POM121: variants seen among roughly 807,000 people sequenced by gnomAD.
POM121 encodes POM121 transmembrane nucleoporin, also known as nuclear envelope pore membrane protein POM 121.
POM121 carries 32 observed loss-of-function variants against 81.3 expected under a neutral mutation model. The ratio of observed to expected loss-of-function variants is 0.39; its 90% CI spans 0.30 to 0.53. The LOEUF (loss-of-function observed/expected upper bound fraction) is 0.53, where lower values mean the gene tolerates loss of function less well. Ranked by LOEUF, POM121 falls within the 20% of genes least tolerant of loss-of-function variation. POM121 has a pLI of 0.66. For missense variants in POM121, 1,138 were observed against 1,614.6 expected (o/e 0.70, Z 5.06); for synonymous variants, 514 against 694.2 (o/e 0.74, Z 4.08).
At position 72,925,458 on chromosome 7, in the gene POM121, T is replaced by G; in HGVS notation, c.337T>G (p.Ser113Ala). The G allele has an allele frequency of 6.5e-7, 1 of 1,533,642 alleles. No individual in the cohort carries two copies. The highest frequency in any genetic ancestry group is 8.7e-7 in the Non-Finnish European group (1 of 1,146,506). ...RTLFASPLAK[S>A]TANGNLLEPR... The stretch of plus-strand genomic sequence containing the variant: ...ACTGTTCGCTTCGCCTCTGGCCAAG[T>G]CGACAGCCAACGGAAACCTCCTAGA... The change falls in exon 1 of 13, where the codon TCG (serine) becomes GCG (alanine). Residue 113 changes from serine (S) to alanine (A), a missense_variant. Transcript: ENST00000434423.
chr7:72,939,789 C>T (rs1372474322), intron 7 of POM121, 58 bp from the exon 8 acceptor site: 2 of 1,610,670 alleles, frequency 1.2e-6, no homozygotes, highest in Admixed American at 1.7e-5. Flanking sequence ...TGGGTAGACA[C>T]AACCATCCAT....
Position 72,925,643 on chromosome 7 carries a change from C to T in POM121, c.522C>T (p.Ser174=), listed in dbSNP as rs1795342877. The T allele has an allele frequency of 9.8e-7, 1 of 1,022,900 alleles. No individual in the cohort carries two copies. Among genetic ancestry groups the T allele is most frequent in the Non-Finnish European group, 1.2e-6 (1 of 818,278 alleles). The allele number at this position is 1,022,900 out of a possible 1,614,324, so 63.4% of individuals were successfully genotyped here. The change falls in exon 1 of 13, where the codon TCC becomes TCT. Residue 174 remains serine, a synonymous_variant. Transcript: ENST00000434423. The part of the protein sequence containing the change: ...RRPPARPAPR[S]PPPRSPPPRS... ...CACCTGCCCGCCCGGCGCCGCGCTC[C>T]CCACCGCCGCGCTCCCCACCGCCGC...
At chr7:72,905,152 G>C (rs527956908) in intron 3 of POM121, among the ~76,000 whole-genome samples, 28 of 152,232 alleles carry the variant, frequency 1.8e-4, no homozygotes, top group African/African-American at 5.1e-4. Context: ...ATGTTTCTGT[G>C]GGGGGATGGG....
At chr7:72,923,252 C>G (rs1794997132), upstream of POM121, among the ~76,000 whole-genome samples, 1 of 152,058 alleles carries the variant, frequency 6.6e-6, no homozygotes, top group African/African-American at 2.4e-5. Flanking sequence ...TGTGTTGCCC[C>G]AGAGGCATCT....
intron 5 of POM121, among the ~76,000 whole-genome samples, chr7:72,934,363 G>C (rs1307154319): frequency 6.6e-6 from 1 of 152,358 alleles, no homozygotes; most frequent in South Asian, 2.1e-4. Context: ...GGGATTACAG[G>C]CGTGAGCCAC....
At chr7:72,937,264 A>AG (rs1554499704) in intron 5 of POM121, among the ~76,000 whole-genome samples, 5 of 152,114 alleles carry the variant, frequency 3.3e-5, no homozygotes, top group Non-Finnish European at 1.5e-5. Flanking sequence ...AAAAAAAAAA[A>AG]AAGTTCCACA....
rs528087007 is a variant in POM121, at chr7:72,939,039, C to T, written c.1368-297C>T. ...CTTGCAGTTGGCTGGAATGCCACTC[C>T]CTCAGGGATCACATCTGTGTCTAGA... On this transcript the variant is annotated intron_variant, in intron 6 of 12. Transcript: ENST00000434423. 2.0e-5 allele frequency among the ~76,000 whole-genome samples: 3 copies of T among 152,336 alleles called. No individual in the cohort carries two copies. The South Asian group carries it at 6.2e-4, about 32-fold the overall frequency.
upstream of POM121, among the ~76,000 whole-genome samples, chr7:72,920,179 T>G (rs1794667085): frequency 1.3e-5 from 2 of 152,148 alleles, no homozygotes; most frequent in South Asian, 4.1e-4. Context: ...TGTTAATGTC[T>G]TTCTCTGCTT....
At chr7:72,936,779 AG>A (rs1796552837) in intron 5 of POM121, among the ~76,000 whole-genome samples, 1 of 152,074 alleles carries the variant, frequency 6.6e-6, no homozygotes, top group Non-Finnish European at 1.5e-5. Flanking sequence ...CACATTGTGA[AG>A]AAAAATGCAA....
intron 1 of POM121, among the ~76,000 whole-genome samples, chr7:72,887,699 C>T (rs1229772266): frequency 9.9e-5 from 15 of 152,126 alleles, no homozygotes; most frequent in African/African-American, 2.6e-4. Context: ...TGCTGGTGCA[C>T]GCCTGTAATC....
chr7:72,926,903 A>G lies in POM121; in HGVS notation c.962A>G (p.Lys321Arg). The change falls in exon 3 of 13, where the codon AAG becomes AGG. Residue 321 changes from lysine to arginine, a missense_variant. Coordinates refer to ENST00000434423, the MANE Select transcript of POM121 (RefSeq NM_001387691.1). ...TVLSALKEKEKKRTVEEEDQI... is the reference protein window; with the variant it reads ...TVLSALKEKERKRTVEEEDQI... ...CTGAGTGCCCTCAAAGAGAAGGAGA[A>G]GAAAAGGACAGTGGAGGAAGAAGAC... The G allele has an allele frequency of 6.2e-7, 1 of 1,614,042 alleles. No individual in the cohort carries two copies. The highest frequency in any genetic ancestry group is 8.5e-7 in the Non-Finnish European group (1 of 1,179,874).
upstream of POM121, chr7:72,924,349 G>A (rs1795138165): frequency 6.6e-6 from 1 of 152,130 alleles, no homozygotes; most frequent in African/African-American, 2.4e-5. Flanking sequence ...ATAAACAATG[G>A]AATGAATAAA....
intron 3 of POM121, among the ~76,000 whole-genome samples, chr7:72,908,686 C>G (rs1281822366): frequency 2.0e-5 from 3 of 152,138 alleles, no homozygotes; most frequent in South Asian, 2.1e-4. Flanking sequence ...GAGCCCTCCC[C>G]CTAGGAACGC....
Position 72,925,767 on chromosome 7 carries a change from T to C in POM121, c.644+2T>C. ...ACCCTCCAGGAGGCCTTCCCCACGG[T>C]AAGATGCGCTGATTTTGTCAGATCA... On this transcript the variant is annotated splice_donor_variant, in intron 1 of 12. Transcript: ENST00000434423. LOFTEE classifies it high-confidence loss of function. The C allele has an allele frequency of 7.9e-7, 1 of 1,268,318 alleles. No individual in the cohort carries two copies. Among genetic ancestry groups the C allele is most frequent in the South Asian group, 2.1e-5 (1 of 48,248 alleles). The allele number at this position is 1,268,318 out of a possible 1,614,324, so 78.6% of individuals were successfully genotyped here. A position where few individuals can be genotyped will look rare whatever the true frequency, so the allele number is the denominator to read the frequency against.
chr7:72,917,955 T>C (rs1554495366), intron 4 of POM121, among the ~76,000 whole-genome samples: 2 of 152,160 alleles, frequency 1.3e-5, no homozygotes, highest in Admixed American at 6.5e-5. Flanking sequence ...GGCCCTTCCC[T>C]GCCTGGCAGC....
chr7:72,939,701 C>T, intron 7 of POM121, 146 bp from the exon 8 acceptor site: 1 of 1,599,454 alleles, frequency 6.3e-7, no homozygotes, highest in Non-Finnish European at 8.5e-7. Context: ...ATCTTGCAAA[C>T]ACCATCCAAG....
At chr7:72,889,162 G>C (rs1554490492) in intron 1 of POM121, among the ~76,000 whole-genome samples, 1 of 152,110 alleles carries the variant, frequency 6.6e-6, no homozygotes, top group African/African-American at 2.4e-5. Flanking sequence ...CTTGCTTTCT[G>C]GACTAACTTA....
At chr7:72,948,567 T>C (rs1554503911), downstream of POM121, 1 of 1,613,080 alleles carries the variant, frequency 6.2e-7, no homozygotes, top group Non-Finnish European at 8.5e-7. Context: ...GTGTGCGTTC[T>C]GGTGCTGATG....
At chr7:72,928,978 A>G (rs1795750298) in intron 4 of POM121, among the ~76,000 whole-genome samples, 3 of 152,328 alleles carry the variant, frequency 2.0e-5, no homozygotes, top group South Asian at 2.1e-4. Flanking sequence ...AGGCAGGTGG[A>G]TGGTATTCCT....
Sources: gnomAD v4.1 joint callset for allele counts (sites outside exome capture counted in the v4.1 genomes callset) on GRCh38, gnomAD v4.1.1 for gene constraint, MANE v1.5 for transcripts, NCBI Gene and HGNC (gene_info 2026-07-23, HGNC 2026-07-21) for gene names.